PLXDC2: variants seen among roughly 807,000 people sequenced by gnomAD.
The protein encoded by PLXDC2 is plexin domain-containing protein 2.
Under a neutral mutation model 68.9 loss-of-function variants are expected in PLXDC2, and 40 were observed. The observed-to-expected ratio is 0.58, with a 90% CI of 0.45 to 0.76. The LOEUF is 0.76. Among genes scored for constraint, PLXDC2 ranks in the 30% least tolerant of loss-of-function variants. The pLI is 0.00. For missense variants in PLXDC2, 644 were observed against 661.9 expected (o/e 0.97, Z 0.30); for synonymous variants, 243 against 234.2 (o/e 1.04, Z -0.34).
At chr10:19,908,014 A>C (rs1316596052) in intron 1 of PLXDC2, among the ~76,000 whole-genome samples, 1 of 152,204 alleles carries the variant, frequency 6.6e-6, no homozygotes, top group Non-Finnish European at 1.5e-5. Flanking sequence ...ACAAAAGAGT[A>C]ATTTCTGACT....
intron 1 of PLXDC2, among the ~76,000 whole-genome samples, chr10:19,819,375 AT>A (rs895344152): frequency 2.6e-5 from 4 of 152,188 alleles, no homozygotes; most frequent in Non-Finnish European, 5.9e-5. Flanking sequence ...TATGAAAAAA[AT>A]ATTGTAATTA....
chr10:19,928,535 G>A (rs1296673656), intron 1 of PLXDC2, among the ~76,000 whole-genome samples: 1 of 152,102 alleles, frequency 6.6e-6, no homozygotes, highest in Non-Finnish European at 1.5e-5. Context: ...AATAAATTAA[G>A]AGACCTATAT....
At chr10:20,257,237 A>G (rs2119359580) in intron 13 of PLXDC2, among the ~76,000 whole-genome samples, 1 of 152,290 alleles carries the variant, frequency 6.6e-6, no homozygotes, top group Non-Finnish European at 1.5e-5. Flanking sequence ...ATTATCAAGG[A>G]TTTCTTAGAG....
chr10:19,945,781 G>A (rs1236206017), intron 1 of PLXDC2, among the ~76,000 whole-genome samples: 1 of 152,120 alleles, frequency 6.6e-6, no homozygotes, highest in Non-Finnish European at 1.5e-5. Flanking sequence ...AGTGAGAAGA[G>A]CCCGTATCTA....
chr10:19,921,283 A>G (rs1833457897), intron 1 of PLXDC2, among the ~76,000 whole-genome samples: 2 of 152,134 alleles, frequency 1.3e-5, no homozygotes, highest in Non-Finnish European at 2.9e-5. Context: ...CTTGATTTTT[A>G]TGTGTTAAAT....
chr10:20,143,552 A>G, intron 5 of PLXDC2, 135 bp downstream of exon 5: 1 of 1,032,490 alleles, frequency 9.7e-7, no homozygotes, highest in East Asian at 2.6e-5. Flanking sequence ...GAGAGGACAA[A>G]TATTATACTG....
intron 1 of PLXDC2, among the ~76,000 whole-genome samples, chr10:19,894,060 A>G (rs1589523626): frequency 6.6e-6 from 1 of 152,296 alleles, no homozygotes; most frequent in East Asian, 1.9e-4. Flanking sequence ...GTCAATGCCC[A>G]ATCTGTAGAA....
In PLXDC2 at chr10:20,222,525, G is replaced by T. The variant is rs559742704; in HGVS notation, c.1312+3423G>T. The stretch of plus-strand genomic sequence containing the variant: ...TCAGGATAGTTGTTTGATTGGAGAA[G>T]TTTTATTAGTCTTCAGGGTTGAGTG... On this transcript the variant is annotated intron_variant, in intron 12 of 13. Transcript: ENST00000377252. Among the ~76,000 whole-genome samples the T allele has an allele frequency of 2.7e-3, 418 of 152,322 alleles. 1 individual carries two copies. The highest frequency in any genetic ancestry group is 9.7e-3 in the African/African-American group (402 of 41,574).
intron 4 of PLXDC2, among the ~76,000 whole-genome samples, chr10:20,135,700 T>C (rs1321339955): frequency 6.6e-6 from 1 of 152,198 alleles, no homozygotes; most frequent in Non-Finnish European, 1.5e-5. Context: ...ATTGGTAATT[T>C]TATGAACATA....
intron 1 of PLXDC2, among the ~76,000 whole-genome samples, chr10:19,969,692 A>C (rs1422649919): frequency 6.6e-6 from 1 of 152,218 alleles, no homozygotes; most frequent in Admixed American, 6.5e-5. Context: ...CCAGTATTTC[A>C]GTTAATATGG....
intron 2 of PLXDC2, among the ~76,000 whole-genome samples, chr10:20,043,076 G>T (rs1279462328): frequency 6.6e-6 from 1 of 152,064 alleles, no homozygotes; most frequent in Non-Finnish European, 1.5e-5. Context: ...TCCTAAAAAA[G>T]GATAAGACGT....
chr10:19,989,257 G>C (rs1451035613), intron 1 of PLXDC2, among the ~76,000 whole-genome samples: 1 of 152,156 alleles, frequency 6.6e-6, no homozygotes, highest in Non-Finnish European at 1.5e-5. Flanking sequence ...ATAAAATGTG[G>C]TATGCTATCA....
chr10:19,831,120 A>G (rs923967408), intron 1 of PLXDC2, among the ~76,000 whole-genome samples: 2 of 152,168 alleles, frequency 1.3e-5, no homozygotes, highest in African/African-American at 4.8e-5. Context: ...GATAGGGCAT[A>G]TTATCAATGA....
chr10:20,030,062 T>C (rs1835473805), intron 2 of PLXDC2, among the ~76,000 whole-genome samples: 1 of 152,094 alleles, frequency 6.6e-6, no homozygotes, highest in African/African-American at 2.4e-5. Context: ...TAGAGATTAT[T>C]TGAAAAAAAA....
intron 1 of PLXDC2, among the ~76,000 whole-genome samples, chr10:19,895,875 A>G (rs1838048187): frequency 6.6e-6 from 1 of 152,164 alleles, no homozygotes; most frequent in Non-Finnish European, 1.5e-5. Flanking sequence ...AGCTATGATC[A>G]TAACATTGCA....
intron 4 of PLXDC2, among the ~76,000 whole-genome samples, chr10:20,087,674 T>C (rs1033476897): frequency 6.6e-6 from 1 of 152,232 alleles, no homozygotes; most frequent in African/African-American, 2.4e-5. Flanking sequence ...AGCCACTTGC[T>C]AGCAATGAAA....
chr10:20,064,728 C>T (rs898896530), intron 3 of PLXDC2, among the ~76,000 whole-genome samples: 2 of 152,130 alleles, frequency 1.3e-5, no homozygotes, highest in South Asian at 4.1e-4. Flanking sequence ...AGCTAGAAAT[C>T]TTAGAAACCT....
At chr10:20,044,182 T>TTTCC (rs1835738225) in intron 2 of PLXDC2, among the ~76,000 whole-genome samples, 1 of 124,066 alleles carries the variant, frequency 8.1e-6, no homozygotes, top group African/African-American at 3.5e-5. Flanking sequence ...TCTTTCCTTC[T>TTTCC]TTCTTTCTTT....
rs868395485 is a variant in PLXDC2 at position 20,238,675 on chromosome 10, A to G, written c.1313-6670A>G. ...CATCTCAAAAAAAATATATATATAT[A>G]TGTATATATATATATATACACACAT... On this transcript the variant is annotated intron_variant, in intron 12 of 13. Transcript: ENST00000377252. 2.3e-5 allele frequency among the ~76,000 whole-genome samples: 3 copies of G among 128,760 alleles called. No individual in the cohort carries two copies. In the East Asian group the frequency reaches 6.3e-4, roughly 27 times the overall value. 84.5% of individuals were successfully genotyped at this position (128,760 alleles called of 152,430 possible).
Sources: gnomAD v4.1 joint callset for allele counts (sites outside exome capture counted in the v4.1 genomes callset) on GRCh38, gnomAD v4.1.1 for gene constraint, MANE v1.5 for transcripts, NCBI Gene and HGNC (gene_info 2026-07-23, HGNC 2026-07-21) for gene names.